The following SLC34A1 variants were observed in gnomAD, a reference collection of about 807,000 sequenced individuals.
SLC34A1 encodes the protein sodium-dependent phosphate transport protein 2A.
Under a neutral mutation model 51.4 loss-of-function variants are expected in SLC34A1, and 57 were observed. The observed-to-expected ratio is 1.11, with a 90% CI of 0.90 to 1.38. The LOEUF (loss-of-function observed/expected upper bound fraction) is 1.38, where lower values mean the gene tolerates loss of function less well. Ranked by LOEUF, SLC34A1 falls within the 40% of genes most tolerant of loss-of-function variation. SLC34A1 has a pLI of 0.00. For missense variants in SLC34A1, 796 were observed against 835.6 expected, an observed-to-expected ratio of 0.95 and a Z score of 0.58; for synonymous variants, 368 against 358.0, an observed-to-expected ratio of 1.03 and a Z score of -0.32.
chr5:177,386,231 G>T lies in SLC34A1; in HGVS notation c.270G>T (p.Leu90=). Residue 90 remains leucine (L), a synonymous_variant, in exon 4 of 13, where the codon CTG becomes CTT. Coordinates refer to ENST00000324417, the MANE Select transcript of SLC34A1 (RefSeq NM_003052.5). The surrounding 1 kb of genome is among the most constrained non-coding windows in gnomAD (Gnocchi z 4.8). ...GCTTCCCCCATCCAGAGTCCAGGCT[G>T]GTCCCCAAGCTGCGCCAGGCTGGCG... The part of the protein sequence containing the change: ...LEEEQKPESR[L]VPKLRQAGAM... The T allele has an allele frequency of 6.2e-7, 1 of 1,614,186 alleles. No homozygotes were observed. Among genetic ancestry groups the T allele is most frequent in the Non-Finnish European group, 8.5e-7 (1 of 1,180,024 alleles).
In SLC34A1 at chr5:177,386,556, C is replaced by A. The variant is rs1762581935; in HGVS notation, c.522C>A (p.Val174=). 1 of 1,614,102 alleles carries A rather than the reference C, an allele frequency of 6.2e-7. No individual in the cohort carries two copies. Among genetic ancestry groups the A allele is most frequent in the East Asian group, 2.2e-5 (1 of 44,882 alleles). Residue 174 remains valine (V), a synonymous_variant, in exon 5 of 13, where the codon GTC becomes GTA. Coordinates refer to ENST00000324417, the MANE Select transcript of SLC34A1 (RefSeq NM_003052.5). The surrounding 1 kb of genome is among the most constrained non-coding windows in gnomAD (Gnocchi z 4.8). ...STSTSIIVSM[V]SSGLLEVSSA... is the part of the protein sequence containing the mutation. ...CCACATCCATCATCGTCAGCATGGT[C>A]TCCTCTGGCTGTGAGTTGGCCCACC...
Position 177,388,004 on chromosome 5 carries a change from G to C in SLC34A1, c.655G>C (p.Gly219Arg). ...GGCCTCCCTGCCCAGGGCCTTCGCGGGGGCCACGGTGCATGACTGCTTTAA... is the reference window on the plus strand; with the variant it reads ...GGCCTCCCTGCCCAGGGCCTTCGCGCGGGCCACGGTGCATGACTGCTTTAA... ...DRTDFRRAFA[G>R]ATVHDCFNWL... The change falls in exon 7 of 13, where the codon GGG becomes CGG. Residue 219 changes from glycine to arginine, a missense_variant. Coordinates refer to ENST00000324417, the MANE Select transcript of SLC34A1 (RefSeq NM_003052.5). This position sits in a 1 kb window ranked among gnomAD's most constrained non-coding sequence, Gnocchi z 4.3. The C allele has an allele frequency of 1.9e-6, 3 of 1,612,896 alleles. No individual in the cohort carries two copies. The highest frequency in any genetic ancestry group is 1.7e-6 in the Non-Finnish European group (2 of 1,179,210).
chr5:177,396,244 G>A lies in SLC34A1; in HGVS notation c.1175-489G>A, dbSNP rs1291818014. On this transcript the variant is annotated intron_variant, in intron 10 of 12. Coordinates refer to ENST00000324417, the MANE Select transcript of SLC34A1 (RefSeq NM_003052.5). This position sits in a 1 kb window ranked among gnomAD's most constrained non-coding sequence, Gnocchi z 4.0. ...AGGAAGTGACATCCATGCTGAGTCTGAGGATGAATATTCAGATGCTGAGTA... is the reference window on the plus strand; with the variant it reads ...AGGAAGTGACATCCATGCTGAGTCTAAGGATGAATATTCAGATGCTGAGTA... Among the ~76,000 whole-genome samples the A allele has an allele frequency of 2.0e-5, 3 of 152,200 alleles. No homozygotes were observed. The highest frequency in any genetic ancestry group is 4.8e-5 in the African/African-American group (2 of 41,446).
chr5:177,394,688 C>CTTTTTTTTTTTTTTTTTTTTTTTTT (rs34736156), intron 10 of SLC34A1, among the ~76,000 whole-genome samples: 3 of 105,100 alleles, frequency 2.9e-5, no homozygotes, highest in Non-Finnish European at 5.5e-5. Context: ...GAGACTTTGT[C>CTTTTTTTTTTTTTTTTTTTTTTTTT]TTTTTTTTTT....
intron 5 of SLC34A1, among the ~76,000 whole-genome samples, chr5:177,387,469 C>A (rs1197150392): frequency 7.9e-5 from 12 of 152,246 alleles, no homozygotes; most frequent in African/African-American, 2.9e-4. Flanking sequence ...TCTCTATTTG[C>A]ACATAGGACA....
At chr5:177,391,917 C>A (rs1372364636) in intron 8 of SLC34A1, among the ~76,000 whole-genome samples, 2 of 152,174 alleles carry the variant, frequency 1.3e-5, no homozygotes, top group African/African-American at 4.8e-5. Flanking sequence ...TCAGATCTGC[C>A]TAACAGCAAA....
chr5:177,388,094 C>G lies in SLC34A1; in HGVS notation c.745C>G (p.Arg249Gly). 1 of 1,614,086 alleles carries G rather than the reference C, an allele frequency of 6.2e-7. No individual in the cohort carries two copies. Among genetic ancestry groups the G allele is most frequent in the Non-Finnish European group, 8.5e-7 (1 of 1,179,972 alleles). Reference protein sequence around the residue: ...AATGYLHHITRLVVASFNIHG... With the variant: ...AATGYLHHITGLVVASFNIHG... ...CACTGGCTACCTGCACCACATCACT[C>G]GACTTGTGGTGGCCTCCTTCAACAT... The change falls in exon 7 of 13, where the codon CGA (arginine) becomes GGA (glycine). Residue 249 changes from arginine to glycine, a missense_variant. Arg to Gly is a moderately radical substitution (Grantham distance 125). Coordinates refer to ENST00000324417, the MANE Select transcript of SLC34A1 (RefSeq NM_003052.5). This position sits in a 1 kb window ranked among gnomAD's most constrained non-coding sequence, Gnocchi z 4.3.
chr5:177,395,121 A>G (rs1355122704), intron 10 of SLC34A1, among the ~76,000 whole-genome samples: 1 of 152,102 alleles, frequency 6.6e-6, no homozygotes, highest in Non-Finnish European at 1.5e-5. Context: ...GCAGTGAGCT[A>G]TGATGGCACC....
Position 177,397,862 on chromosome 5 carries a change from G to T in SLC34A1, c.1496G>T (p.Arg499Leu), listed in dbSNP as rs201257803. ...YPVPCTRLPI[R>L]MAKALGKRTA... Reference sequence around the variant, plus strand: ...GTGCCCTGCACACGCCTGCCCATCCGCATGGCCAAGGCGCTGGGGAAACGC... The same window carrying T: ...GTGCCCTGCACACGCCTGCCCATCCTCATGGCCAAGGCGCTGGGGAAACGC... Residue 499 changes from arginine (R) to leucine (L), a missense_variant, in exon 13 of 13, where the codon CGC becomes CTC. By Grantham distance (102) the Arg-to-Leu change is moderately radical. Coordinates refer to ENST00000324417, the MANE Select transcript of SLC34A1 (RefSeq NM_003052.5). 2 of 1,613,740 alleles carry T rather than the reference G, an allele frequency of 1.2e-6. No individual in the cohort carries two copies. The highest frequency in any genetic ancestry group is 8.5e-7 in the Non-Finnish European group (1 of 1,180,012).
intron 1 of SLC34A1, among the ~76,000 whole-genome samples, chr5:177,385,160 T>C (rs1762515971): frequency 6.6e-6 from 1 of 152,050 alleles, no homozygotes; most frequent in Non-Finnish European, 1.5e-5. Flanking sequence ...GCTGACCCCA[T>C]GAGAAGGCAG....
chr5:177,396,434 G>A lies in SLC34A1; in HGVS notation c.1175-299G>A, dbSNP rs1219001278. Among the ~76,000 whole-genome samples the A allele has an allele frequency of 1.4e-5, 2 of 147,598 alleles. No homozygotes were observed. Among genetic ancestry groups the A allele is most frequent in the African/African-American group, 5.0e-5 (2 of 39,846 alleles). ...TCTCCCAGTGCCCCCGCGGAGATCC[G>A]CTCTCCCAGTGCCCCCGCGGAGGTC... On this transcript the variant is annotated intron_variant, in intron 10 of 12. Transcript: ENST00000324417. The surrounding 1 kb of genome is among the most constrained non-coding windows in gnomAD (Gnocchi z 4.0).
In SLC34A1 at chr5:177,398,234, C is replaced by T. The variant is rs768015548; in HGVS notation, c.1868C>T (p.Thr623Ile). The change falls in exon 13 of 13, where the codon ACA becomes ATA. Residue 623 changes from threonine (T) to isoleucine (I), a missense_variant. Physicochemically the swap from Thr to Ile is moderately conservative, Grantham distance 89. Transcript: ENST00000324417. The surrounding 1 kb of genome is among the most constrained non-coding windows in gnomAD (Gnocchi z 4.7). ...RVFLEELPPA[T>I]PSPRLALPAH... Reference sequence around the variant, plus strand: ...TTCCTGGAGGAGCTACCCCCTGCCACACCCTCCCCCCGTCTTGCACTGCCT... The same window carrying T: ...TTCCTGGAGGAGCTACCCCCTGCCATACCCTCCCCCCGTCTTGCACTGCCT... The T allele has an allele frequency of 1.9e-6, 3 of 1,601,106 alleles. No individual in the cohort carries two copies. The highest frequency in any genetic ancestry group is 2.5e-6 in the Non-Finnish European group (3 of 1,179,892).
chr5:177,389,896 G>C, intron 8 of SLC34A1: 1 of 1,436,386 alleles, frequency 7.0e-7, no homozygotes, highest in East Asian at 2.5e-5. Context: ...CACTCTACCA[G>C]GAAATGCTTT....
Position 177,386,605 on chromosome 5 carries a change from G to T in SLC34A1, c.532+39G>T. On this transcript the variant is annotated intron_variant, in intron 5 of 12. Coordinates refer to ENST00000324417, the MANE Select transcript of SLC34A1 (RefSeq NM_003052.5). The surrounding 1 kb of genome is among the most constrained non-coding windows in gnomAD (Gnocchi z 4.8). Reference sequence around the variant, plus strand: ...CCAGGGTGGGGAAGAGCTTGGAGGGGCACCCCAGGAGCTGGGAAGGGTGGC... The same window carrying T: ...CCAGGGTGGGGAAGAGCTTGGAGGGTCACCCCAGGAGCTGGGAAGGGTGGC... 6.2e-7 allele frequency: 1 copy of T among 1,611,752 alleles called. No individual in the cohort carries two copies. The highest frequency in any genetic ancestry group is 8.5e-7 in the Non-Finnish European group (1 of 1,179,648).
At chr5:177,390,760 C>G (rs927448252) in intron 8 of SLC34A1, among the ~76,000 whole-genome samples, 2 of 152,064 alleles carry the variant, frequency 1.3e-5, no homozygotes, top group African/African-American at 2.4e-5. Context: ...GAGGGGGAAA[C>G]TGCTGCGCTG....
In SLC34A1 at chr5:177,385,686, G is replaced by A; in HGVS notation, c.-47-9G>A. ...CATGAGTGTCCCGGACACAGCTATT[G>A]TCATTCAGCGTTGCTGAGACCCACT... is the stretch of plus-strand genomic sequence containing the variant. On this transcript the variant is annotated splice_polypyrimidine_tract_variant and intron_variant, in intron 1 of 12. Coordinates refer to ENST00000324417, the MANE Select transcript of SLC34A1 (RefSeq NM_003052.5). The A allele has an allele frequency of 3.9e-6, 5 of 1,269,106 alleles. No homozygotes were observed. The highest frequency in any genetic ancestry group is 5.7e-6 in the Non-Finnish European group (5 of 877,118). The allele number at this position is 1,269,106 out of a possible 1,614,324, so 78.6% of individuals were successfully genotyped here.
In SLC34A1 at chr5:177,393,780, T is replaced by A; in HGVS notation, c.1006+17T>A. ...TGGAGAAATGTAAGTGCCTGCAACA[T>A]GGGAGGTGTCCTGCATGGCAGGGGC... On this transcript the variant is annotated intron_variant, in intron 9 of 12. Transcript: ENST00000324417. The A allele has an allele frequency of 6.2e-7, 1 of 1,613,738 alleles. No individual in the cohort carries two copies. Among genetic ancestry groups the A allele is most frequent in the Non-Finnish European group, 8.5e-7 (1 of 1,179,696 alleles).
In SLC34A1 at chr5:177,398,402, C is replaced by T. The variant is rs1763042248; in HGVS notation, c.*116C>T. On this transcript the variant is annotated 3_prime_UTR_variant, in exon 13 of 13. Transcript: ENST00000324417. This position sits in a 1 kb window ranked among gnomAD's most constrained non-coding sequence, Gnocchi z 4.7. ...GTGCCACCCTGGGTGCCAGTCTCTC[C>T]TTCTGTAGCTCCGCAAAGCTCTGGG... 8.4e-7 allele frequency: 1 copy of T among 1,196,962 alleles called. No individual in the cohort carries two copies. The highest frequency in any genetic ancestry group is 1.7e-5 in the Admixed American group (1 of 59,316). 74.1% of individuals were successfully genotyped at this position (1,196,962 alleles called of 1,614,324 possible).
At chr5:177,391,324 G>C (rs1342461090) in intron 8 of SLC34A1, among the ~76,000 whole-genome samples, 1 of 152,212 alleles carries the variant, frequency 6.6e-6, no homozygotes, top group Non-Finnish European at 1.5e-5. Context: ...CTCCCAGCCA[G>C]GGCCACACAG....
Sources: gnomAD v4.1 joint callset for allele counts (sites outside exome capture counted in the v4.1 genomes callset) on GRCh38, gnomAD v4.1.1 for gene constraint, Gnocchi (gnomAD v3.1) non-coding constraint, MANE v1.5 for transcripts, NCBI Gene and HGNC (gene_info 2026-07-23, HGNC 2026-07-21) for gene names.